HEATR5A: variants seen among roughly 807,000 people sequenced by gnomAD.
HEATR5A encodes HEAT repeat containing 5A, also known as HEAT repeat-containing protein 5A.
Under a neutral mutation model 218.8 loss-of-function variants are expected in HEATR5A, and 178 were observed. The ratio of observed to expected loss-of-function variants is 0.81; its 90% CI spans 0.72 to 0.92. The LOEUF (loss-of-function observed/expected upper bound fraction) is 0.92, where lower values mean the gene tolerates loss of function less well. Among genes scored for constraint, HEATR5A ranks in the 40% least tolerant of loss-of-function variants. HEATR5A has a pLI of 0.00. For synonymous variants in HEATR5A, 864 were observed against 871.6 expected (o/e 0.99, Z 0.15); for missense variants, 2,420 against 2,418.9 (o/e 1.00, Z -0.01).
chr14:31,371,970 G>T, intron 12 of HEATR5A, 61 bp from the exon 13 acceptor site: 2 of 717,670 alleles, frequency 2.8e-6, no homozygotes, highest in South Asian at 3.8e-5. Context: ...AGGCACATTT[G>T]ATTATGGTAC....
intron 7 of HEATR5A, 82 bp from the exon 8 acceptor site, chr14:31,387,457 A>C: frequency 9.8e-7 from 1 of 1,020,462 alleles, no homozygotes; most frequent in Non-Finnish European, 1.4e-6. Context: ...AGCATTTATT[A>C]ATATTTTTCT....
intron 28 of HEATR5A, among the ~76,000 whole-genome samples, chr14:31,311,040 ACC>A (rs1899732115): frequency 6.7e-6 from 1 of 149,622 alleles, no homozygotes; most frequent in Admixed American, 6.7e-5. Context: ...CAACCAACCA[ACC>A]AACCAACCAA....
Position 31,307,979 on chromosome 14 carries a change from T to C in HEATR5A, c.4732A>G (p.Thr1578Ala), listed in dbSNP as rs761618852. ...AAACAAGCAGTTATGCTTTCCATGG[T>C]TGCATCTGAACGTAAGGAACATAGA... ...EFLCSLRSDA[T>A]MESITACLHA... is the part of the protein sequence containing the mutation. The change falls in exon 30 of 36, where the codon ACC becomes GCC. Residue 1578 changes from threonine (T) to alanine (A), a missense_variant. Transcript: ENST00000543095. The C allele has an allele frequency of 2.5e-6, 4 of 1,613,766 alleles. No individual in the cohort carries two copies. The highest frequency in any genetic ancestry group is 2.2e-5 in the South Asian group (2 of 91,054).
intron 2 of HEATR5A, among the ~76,000 whole-genome samples, chr14:31,401,072 C>G (rs1460428901): frequency 6.6e-6 from 1 of 152,056 alleles, no homozygotes; most frequent in African/African-American, 2.4e-5. Context: ...ATCTCCTGAC[C>G]TTATGATCCA....
At chr14:31,370,528 A>C (rs1014729712) in intron 13 of HEATR5A, among the ~76,000 whole-genome samples, 6 of 152,222 alleles carry the variant, frequency 3.9e-5, no homozygotes, top group Admixed American at 2.0e-4. Flanking sequence ...ACTGAAAAAT[A>C]ATTTGGTTTA....
Position 31,343,943 on chromosome 14 carries a change from A to G in HEATR5A, c.3181T>C (p.Phe1061Leu), listed in dbSNP as rs1197327512. The G allele has an allele frequency of 3.7e-6, 6 of 1,611,730 alleles. No individual in the cohort carries two copies. The highest frequency in any genetic ancestry group is 5.1e-6 in the Non-Finnish European group (6 of 1,179,106). The change falls in exon 21 of 36, where the codon TTT becomes CTT. Residue 1061 changes from phenylalanine to leucine, a missense_variant. By Grantham distance (22) the Phe-to-Leu change is conservative (BLOSUM62 0). Coordinates refer to ENST00000543095, the MANE Select transcript of HEATR5A (RefSeq NM_015473.4). ...GACAAGTTGACATGTCGTGGAGCAA[A>G]CATATGAAGCTGCTGAAGGCAAGAG... Reference protein sequence around the residue: ...AISCLQQLHMFAPRHVNLSSL... With the variant: ...AISCLQQLHMLAPRHVNLSSL...
At chr14:31,338,410 T>C (rs748359979) in intron 21 of HEATR5A, among the ~76,000 whole-genome samples, 3 of 152,128 alleles carry the variant, frequency 2.0e-5, no homozygotes, top group Non-Finnish European at 4.4e-5. Context: ...TATATATATA[T>C]ACATATTTAT....
chr14:31,341,854 T>C (rs908321546), intron 21 of HEATR5A, among the ~76,000 whole-genome samples: 1 of 152,186 alleles, frequency 6.6e-6, no homozygotes, highest in African/African-American at 2.4e-5. Context: ...AACGGCAGTA[T>C]CACTTAATTT....
chr14:31,386,824 TGA>T (rs1287977926), intron 8 of HEATR5A, among the ~76,000 whole-genome samples: 2 of 152,176 alleles, frequency 1.3e-5, no homozygotes, highest in Admixed American at 1.3e-4. Context: ...CAAGTGGCAC[TGA>T]GAGAGAGAAC....
chr14:31,409,783 G>A (rs1013044261), intron 1 of HEATR5A, among the ~76,000 whole-genome samples: 1 of 152,188 alleles, frequency 6.6e-6, no homozygotes, highest in South Asian at 2.1e-4. Flanking sequence ...GCATGACAGT[G>A]TAAGCACCTT....
At chr14:31,364,405 A>G (rs996356278) in intron 13 of HEATR5A, 107 bp from the exon 14 acceptor site, 5 of 590,622 alleles carry the variant, frequency 8.5e-6, no homozygotes, top group African/African-American at 7.6e-5. Flanking sequence ...TATTTTATTA[A>G]CAAACATTAG....
chr14:31,326,004 A>C, intron 23 of HEATR5A, 159 bp downstream of exon 23: 5 of 633,984 alleles, frequency 7.9e-6, no homozygotes, highest in Non-Finnish European at 1.4e-5. Flanking sequence ...GAGAATTCTA[A>C]AACACTAGAA....
chr14:31,371,890 G>A lies in HEATR5A; in HGVS notation c.1881C>T (p.Ser627=), dbSNP rs1185563376. 6.5e-7 allele frequency: 1 copy of A among 1,539,624 alleles called. No individual in the cohort carries two copies. The highest frequency in any genetic ancestry group is 2.0e-5 in the Admixed American group (1 of 49,972). Residue 627 remains serine (S), a synonymous_variant, in exon 13 of 36, where the codon TCC becomes TCT. Transcript: ENST00000543095. ...CCTCAGTAAGAAGATCACCACAGTG[G>A]GAAACAAAGCTCTTGATAGCTGAAA... The part of the protein sequence containing the change: ...GALCAIKSFV[S]HCGDLLTEEV...
At chr14:31,364,410 CATT>C (rs1429852123) in intron 13 of HEATR5A, 112 bp from the exon 14 acceptor site, 3 of 573,166 alleles carry the variant, frequency 5.2e-6, no homozygotes, top group East Asian at 6.0e-5. Context: ...TATTAACAAA[CATT>C]AGTGCTGCTT....
chr14:31,306,869 A>G lies in HEATR5A; in HGVS notation c.4829T>C (p.Ile1610Thr). 1.9e-6 allele frequency: 3 copies of G among 1,609,430 alleles called. No homozygotes were observed. ...SKIGSDQDLG[I>T]ELLNVLHRVI... is the part of the protein sequence containing the mutation. ...TCGATGTAGAACATTCAGCAATTCT[A>G]TACCCAAGTCCTATCATGGAAATCA... Residue 1610 changes from isoleucine to threonine, a missense_variant, in exon 31 of 36, where the codon ATA (isoleucine) becomes ACA (threonine). Transcript: ENST00000543095.
chr14:31,367,253 T>C (rs982473321), intron 13 of HEATR5A, among the ~76,000 whole-genome samples: 2 of 152,178 alleles, frequency 1.3e-5, no homozygotes, highest in Non-Finnish European at 2.9e-5. Flanking sequence ...AAAAGACTTA[T>C]AAGACCTTTA....
intron 21 of HEATR5A, among the ~76,000 whole-genome samples, chr14:31,342,632 G>A (rs941797672): frequency 1.3e-5 from 2 of 152,178 alleles, no homozygotes; most frequent in Non-Finnish European, 2.9e-5. Flanking sequence ...AGGTGGCAGA[G>A]TTGAGATAAG....
At chr14:31,345,323 G>C (rs758372878) in intron 19 of HEATR5A, 47 bp from the exon 20 acceptor site, 1 of 1,370,096 alleles carries the variant, frequency 7.3e-7, no homozygotes, top group East Asian at 2.4e-5. Flanking sequence ...GCAGCATTAA[G>C]AAACATAAAA....
intron 24 of HEATR5A, among the ~76,000 whole-genome samples, chr14:31,321,941 T>C (rs1349748863): frequency 4.6e-5 from 7 of 152,208 alleles, no homozygotes; most frequent in Non-Finnish European, 1.0e-4. Context: ...AGTGTCCTAA[T>C]AGTATCTTCA....
Sources: gnomAD v4.1 joint callset for allele counts (sites outside exome capture counted in the v4.1 genomes callset) on GRCh38, gnomAD v4.1.1 for gene constraint, MANE v1.5 for transcripts, NCBI Gene and HGNC (gene_info 2026-07-23, HGNC 2026-07-21) for gene names.